The following TRIM36 variants were observed in gnomAD, a reference collection of about 807,000 sequenced individuals.
The protein encoded by TRIM36 is E3 ubiquitin-protein ligase TRIM36.
TRIM36 carries 42 observed loss-of-function variants against 72.4 expected under a neutral mutation model. That is an observed-to-expected ratio of 0.58 (90% CI 0.45 to 0.75). The LOEUF (loss-of-function observed/expected upper bound fraction) is 0.75. Ranked by LOEUF, TRIM36 falls within the 30% of genes least tolerant of loss-of-function variation. The pLI is 0.00. For missense variants in TRIM36, 913 were observed against 857.1 expected (o/e 1.07, Z -0.81); for synonymous variants, 315 against 282.8 (o/e 1.11, Z -1.14).
At position 115,163,537 on chromosome 5, in the gene TRIM36, A is replaced by G. The variant is rs757251066; in HGVS notation, c.243T>C (p.Ile81=). ...ACATACCTGGTCTGTTAATTCGGTC[A>G]ATTTTATCCATACTAGGGGAGGGGA... ...LRLPSPSMDK[I]DRINRPGWKR... is the part of the protein sequence containing the mutation. The change falls in exon 2 of 10, where the codon ATT becomes ATC. Residue 81 remains isoleucine, a synonymous_variant. Transcript: ENST00000513154. 15 of 1,614,188 alleles carry G rather than the reference A, an allele frequency of 9.3e-6. No homozygotes were observed. The South Asian group carries it at 1.6e-4, about 18-fold the overall frequency.
At chr5:115,179,538 G>A (rs1327589765) in intron 1 of TRIM36, among the ~76,000 whole-genome samples, 1 of 152,256 alleles carries the variant, frequency 6.6e-6, no homozygotes, top group Non-Finnish European at 1.5e-5. Flanking sequence ...CACACTTCGA[G>A]CCTGTTCACT....
chr5:115,128,620 C>A (rs1336435658), intron 9 of TRIM36, among the ~76,000 whole-genome samples: 2 of 147,802 alleles, frequency 1.4e-5, no homozygotes, highest in Non-Finnish European at 1.5e-5. Context: ...GGCGCGGTGG[C>A]GGGCGCCTGT....
Position 115,137,130 on chromosome 5 carries a change from G to A in TRIM36, c.1086-6C>T, listed in dbSNP as rs756688728. On this transcript the variant is annotated splice_polypyrimidine_tract_variant and splice_region_variant and intron_variant, in intron 6 of 9. Coordinates refer to ENST00000513154, the MANE Select transcript of TRIM36 (RefSeq NM_001300759.2). ...ATTCTGTGGCTTTCTGTATTCTGCA[G>A]ACAGATATTTTATATAAAAATGTTT... is the stretch of plus-strand genomic sequence containing the variant. 1 of 1,571,310 alleles carries A rather than the reference G, an allele frequency of 6.4e-7. No homozygotes were observed. Among genetic ancestry groups the A allele is most frequent in the Non-Finnish European group, 8.6e-7 (1 of 1,165,256 alleles).
intron 2 of TRIM36, among the ~76,000 whole-genome samples, chr5:115,152,859 A>G (rs1753968263): frequency 6.6e-6 from 1 of 152,218 alleles, no homozygotes; most frequent in Non-Finnish European, 1.5e-5. Flanking sequence ...GAACTGCTAA[A>G]AGGAGCTCTA....
At chr5:115,131,361 A>T (rs1752666908) in intron 8 of TRIM36, among the ~76,000 whole-genome samples, 1 of 152,208 alleles carries the variant, frequency 6.6e-6, no homozygotes, top group African/African-American at 2.4e-5. Context: ...CATAAGAAAC[A>T]TGGGACACTG....
intron 2 of TRIM36, chr5:115,153,960 T>TA (rs1472116285): frequency 6.6e-6 from 1 of 151,984 alleles, no homozygotes; most frequent in African/African-American, 2.4e-5. Flanking sequence ...AATTTAAAAA[T>TA]ATTGAAATTA....
upstream of TRIM36, among the ~76,000 whole-genome samples, chr5:115,172,957 C>G (rs1325734990): frequency 6.6e-6 from 1 of 152,132 alleles, no homozygotes; most frequent in African/African-American, 2.4e-5. Flanking sequence ...TGTTATAGTT[C>G]TAAAACTTTT....
Position 115,144,670 on chromosome 5 carries a change from A to G in TRIM36, c.663T>C (p.His221=). 1 of 1,614,170 alleles carries G rather than the reference A, an allele frequency of 6.2e-7. No individual in the cohort carries two copies. The highest frequency in any genetic ancestry group is 8.5e-7 in the Non-Finnish European group (1 of 1,180,026). The change falls in exon 4 of 10, where the codon CAT becomes CAC. Residue 221 remains histidine (H), a synonymous_variant. Coordinates refer to ENST00000513154, the MANE Select transcript of TRIM36 (RefSeq NM_001300759.2). The part of the protein sequence containing the change: ...YCELCRRPVC[H]LCKLGGNHAN... ...CATGATTACCACCCAACTTACACAG[A>G]TGGCAAACTGGCCTCCTACATAATT...
At chr5:115,177,656 G>A (rs1037418365) in intron 1 of TRIM36, 28 of 1,592,312 alleles carry the variant, frequency 1.8e-5, no homozygotes, top group South Asian at 5.7e-5. Context: ...CCTGAGGAGA[G>A]TGGTAGGAAA....
rs1433377925 is a variant in TRIM36, at chr5:115,137,556, G to C, written c.892C>G (p.Leu298Val). The C allele has an allele frequency of 6.2e-7, 1 of 1,613,782 alleles. No individual in the cohort carries two copies. Among genetic ancestry groups the C allele is most frequent in the Admixed American group, 1.7e-5 (1 of 59,968 alleles). Residue 298 changes from leucine to valine, a missense_variant, in exon 6 of 10, where the codon CTG becomes GTG. By Grantham distance (32) the Leu-to-Val change is conservative (BLOSUM62 1). Transcript: ENST00000513154. ...AAAACAGATGATTTCCTCTCTTCCA[G>C]AACTTCAAAGAGCTTTTCAAAATGT... ...ITHFEKLFEV[L>V]EERKSSVLKA...
intron 2 of TRIM36, among the ~76,000 whole-genome samples, chr5:115,156,039 T>G (rs1754160846): frequency 6.6e-6 from 1 of 151,706 alleles, no homozygotes. Flanking sequence ...AATCAATAAC[T>G]CAACCACTTT....
rs1015997660 is a variant in TRIM36, at chr5:115,137,066, C to T, written c.1144G>A (p.Glu382Lys). Residue 382 changes from glutamate to lysine, a missense_variant, in exon 7 of 10, where the codon GAA becomes AAA. By Grantham distance (56) the Glu-to-Lys change is moderately conservative. Transcript: ENST00000513154. ...SFRPAAQTSF[E>K]DYVVNTSKQT... ...TTAGAGGTATTAACAACATAGTCTT[C>T]AAAAGAAGTCTGAGCTGCAGGTCTA... is the stretch of plus-strand genomic sequence containing the variant. The T allele has an allele frequency of 6.2e-7, 1 of 1,611,520 alleles. No individual in the cohort carries two copies. Among genetic ancestry groups the T allele is most frequent in the Non-Finnish European group, 8.5e-7 (1 of 1,179,228 alleles).
At chr5:115,140,945 T>G (rs963545720) in intron 5 of TRIM36, among the ~76,000 whole-genome samples, 4 of 152,220 alleles carry the variant, frequency 2.6e-5, no homozygotes, top group African/African-American at 9.6e-5. Flanking sequence ...GATCTATTAA[T>G]TTTTTAAAAT....
At position 115,131,372 on chromosome 5, in the gene TRIM36, T is replaced by G. The variant is rs193049242; in HGVS notation, c.1499-483A>C. On this transcript the variant is annotated intron_variant, in intron 8 of 9. Transcript: ENST00000513154. ...CAGACATAAGAAACATGGGACACTG[T>G]AAAAAAACAAAAACAAAAACACAGC... 5.2e-3 allele frequency among the ~76,000 whole-genome samples: 796 copies of G among 151,674 alleles called. 7 individuals carry two copies. Among genetic ancestry groups the G allele is most frequent in the Non-Finnish European group, 8.5e-3 (580 of 67,988 alleles).
chr5:115,173,845 A>C (rs1004171690), upstream of TRIM36, among the ~76,000 whole-genome samples: 2 of 152,114 alleles, frequency 1.3e-5, no homozygotes, highest in African/African-American at 4.8e-5. Context: ...AACCTATCCT[A>C]TTCTTATCCC....
At chr5:115,178,679 G>A (rs899717714) in intron 1 of TRIM36, among the ~76,000 whole-genome samples, 1 of 152,194 alleles carries the variant, frequency 6.6e-6, no homozygotes, top group Non-Finnish European at 1.5e-5. Context: ...AAAAGTGGAA[G>A]GAGAGTTCTC....
At chr5:115,155,838 C>G (rs985314826) in intron 2 of TRIM36, among the ~76,000 whole-genome samples, 5 of 151,992 alleles carry the variant, frequency 3.3e-5, no homozygotes, top group Non-Finnish European at 5.9e-5. Context: ...AAATGGCAAC[C>G]AAATCGGTAA....
intron 7 of TRIM36, among the ~76,000 whole-genome samples, chr5:115,134,694 C>T (rs1259842854): frequency 6.6e-6 from 1 of 152,052 alleles, no homozygotes; most frequent in Non-Finnish European, 1.5e-5. Flanking sequence ...GTGCGTGCTA[C>T]CACACCTGGC....
chr5:115,146,390 A>T (rs1202139989), intron 3 of TRIM36, among the ~76,000 whole-genome samples: 1 of 152,212 alleles, frequency 6.6e-6, no homozygotes, highest in Non-Finnish European at 1.5e-5. Flanking sequence ...AAGGAGTAAG[A>T]ACTTTGAAAA....
Sources: gnomAD v4.1 joint callset for allele counts (sites outside exome capture counted in the v4.1 genomes callset) on GRCh38, gnomAD v4.1.1 for gene constraint, MANE v1.5 for transcripts, NCBI Gene and HGNC (gene_info 2026-07-23, HGNC 2026-07-21) for gene names.